KCNQ5: variants seen among roughly 807,000 people sequenced by gnomAD.
KCNQ5 encodes the protein potassium voltage-gated channel subfamily KQT member 5.
A neutral mutation model predicts 98.2 loss-of-function variants in KCNQ5; 30 were observed. The observed-to-expected ratio is 0.31, with a 90% CI of 0.23 to 0.41. KCNQ5 has a LOEUF of 0.41. Among genes scored for constraint, KCNQ5 ranks in the 10% least tolerant of loss-of-function variants. The pLI, the probability that KCNQ5 is intolerant of heterozygous loss-of-function variation, is 1.00. For missense variants in KCNQ5, 835 were observed against 1,182.5 expected (o/e 0.71, Z 4.31); for synonymous variants, 458 against 449.4 (o/e 1.02, Z -0.24).
intron 1 of KCNQ5, among the ~76,000 whole-genome samples, chr6:72,931,532 C>G (rs1765693026): frequency 6.6e-6 from 1 of 151,938 alleles, no homozygotes; most frequent in South Asian, 2.1e-4. Flanking sequence ...CACAAACAAC[C>G]CTGGAAAGCA....
At chr6:72,924,172 T>C (rs79113460) in intron 1 of KCNQ5, among the ~76,000 whole-genome samples, 525 of 149,718 alleles carry the variant, frequency 3.5e-3, no homozygotes, top group African/African-American at 0.013. Flanking sequence ...TTACACACCA[T>C]AACATGCTCA....
chr6:72,668,267 A>G (rs1175722359), intron 1 of KCNQ5, among the ~76,000 whole-genome samples: 1 of 152,234 alleles, frequency 6.6e-6, no homozygotes, highest in Non-Finnish European at 1.5e-5. Flanking sequence ...AGCCCAAATC[A>G]ATATAATTCA....
intron 1 of KCNQ5, among the ~76,000 whole-genome samples, chr6:72,887,286 A>G (rs1169108686): frequency 6.6e-6 from 1 of 152,160 alleles, no homozygotes; most frequent in East Asian, 1.9e-4. Flanking sequence ...TCTTACTTGG[A>G]TGGCAGCAGG....
chr6:73,067,454 A>G (rs376262185), intron 3 of KCNQ5, among the ~76,000 whole-genome samples: 1 of 152,158 alleles, frequency 6.6e-6, no homozygotes, highest in Non-Finnish European at 1.5e-5. Flanking sequence ...AATCATCCCA[A>G]TAGCCCTGTG....
chr6:73,131,328 A>T (rs964869851), intron 9 of KCNQ5, among the ~76,000 whole-genome samples: 5 of 152,130 alleles, frequency 3.3e-5, no homozygotes, highest in Non-Finnish European at 7.4e-5. Context: ...CATAGAAAAG[A>T]GATATATCTT....
intron 10 of KCNQ5, among the ~76,000 whole-genome samples, chr6:73,168,372 G>A (rs529630103): frequency 6.6e-6 from 1 of 152,308 alleles, no homozygotes; most frequent in South Asian, 2.1e-4. Context: ...GTCCTCTAGT[G>A]TATGTCAACA....
intron 1 of KCNQ5, among the ~76,000 whole-genome samples, chr6:72,818,644 GTTATT>G (rs1480649294): frequency 6.6e-6 from 1 of 151,182 alleles, no homozygotes; most frequent in Non-Finnish European, 1.5e-5. Flanking sequence ...CAGCATATGA[GTTATT>G]TTATTAACCC....
intron 1 of KCNQ5, among the ~76,000 whole-genome samples, chr6:72,705,778 T>A (rs1769045540): frequency 6.6e-6 from 1 of 152,072 alleles, no homozygotes. Flanking sequence ...TATACCCTTA[T>A]TACTTTAATC....
chr6:72,978,542 G>T (rs1458541926), intron 1 of KCNQ5, among the ~76,000 whole-genome samples: 2 of 152,190 alleles, frequency 1.3e-5, no homozygotes, highest in Admixed American at 1.3e-4. Context: ...ACTCAGTGAT[G>T]AGACAACAAT....
intron 1 of KCNQ5, among the ~76,000 whole-genome samples, chr6:72,756,903 G>T (rs979342511): frequency 4.6e-5 from 7 of 151,854 alleles, no homozygotes; most frequent in Non-Finnish European, 1.0e-4. Flanking sequence ...TAATTCCTTT[G>T]AATCTGTACT....
intron 1 of KCNQ5, among the ~76,000 whole-genome samples, chr6:72,650,373 A>G (rs2154472362): frequency 6.6e-6 from 1 of 152,268 alleles, no homozygotes; most frequent in South Asian, 2.1e-4. Context: ...AGAAAAACGG[A>G]AAGAAAACTA....
At chr6:73,184,977 C>T (rs1778520112) in intron 11 of KCNQ5, among the ~76,000 whole-genome samples, 1 of 152,132 alleles carries the variant, frequency 6.6e-6, no homozygotes, top group South Asian at 2.1e-4. Context: ...ACAAATAAAC[C>T]TCCCATGTTC....
intron 1 of KCNQ5, among the ~76,000 whole-genome samples, chr6:72,852,939 A>C (rs751730655): frequency 1.1e-4 from 17 of 151,954 alleles, no homozygotes; most frequent in Admixed American, 6.6e-4. Context: ...CTTCTTCCCA[A>C]CTTCACAGTC....
At chr6:73,097,476 G>A (rs1113015) in intron 5 of KCNQ5, among the ~76,000 whole-genome samples, 111,714 of 152,012 alleles carry the variant, frequency 0.73, 45,923 homozygotes, top group South Asian at 0.94. Context: ...TAAGCCAATA[G>A]CTAACATTAT....
chr6:73,191,885 CA>C (rs971078650), intron 12 of KCNQ5, among the ~76,000 whole-genome samples: 13 of 152,080 alleles, frequency 8.5e-5, no homozygotes, highest in African/African-American at 3.1e-4. Flanking sequence ...TAAACACATA[CA>C]AAAAAAGAAG....
At chr6:72,832,838 G>A (rs991261403) in intron 1 of KCNQ5, among the ~76,000 whole-genome samples, 18 of 152,238 alleles carry the variant, frequency 1.2e-4, no homozygotes, top group Non-Finnish European at 2.4e-4. Context: ...AAGCCACTGG[G>A]AGGAAAACGA....
intron 1 of KCNQ5, among the ~76,000 whole-genome samples, chr6:72,854,010 C>T (rs548733018): frequency 6.6e-6 from 1 of 152,274 alleles, no homozygotes; most frequent in South Asian, 2.1e-4. Flanking sequence ...TAACAGGGAC[C>T]ATGACAGACC....
chr6:73,120,814 G>T (rs899820613), intron 8 of KCNQ5, among the ~76,000 whole-genome samples: 7 of 152,172 alleles, frequency 4.6e-5, no homozygotes, highest in African/African-American at 1.4e-4. Flanking sequence ...ATTTTATAGA[G>T]ATTTATTTTT....
chr6:73,098,128 G>A (rs1317591882), intron 5 of KCNQ5, among the ~76,000 whole-genome samples: 1 of 151,982 alleles, frequency 6.6e-6, no homozygotes, highest in African/African-American at 2.4e-5. Context: ...AAATGCAACT[G>A]ACATACTGAA....
Sources: allele counts gnomAD v4.1 joint callset (sites outside exome capture counted in the v4.1 genomes callset), GRCh38; gene constraint gnomAD v4.1.1; transcripts MANE v1.5; gene names NCBI Gene and HGNC (gene_info 2026-07-23, HGNC 2026-07-21).